SMYD2: variants seen among roughly 807,000 people sequenced by gnomAD.
The protein encoded by SMYD2 is SET and MYND domain containing 2, also known as N-lysine methyltransferase SMYD2.
Under a neutral mutation model 59.1 loss-of-function variants are expected in SMYD2, and 53 were observed. That is an observed-to-expected ratio of 0.90 (90% confidence interval 0.72 to 1.13). The LOEUF is 1.13. Ranked by LOEUF, SMYD2 falls within the 50% of genes most tolerant of loss-of-function variation. The pLI, the probability that SMYD2 is intolerant of heterozygous loss-of-function variation, is 0.00. For missense variants in SMYD2, 494 were observed against 544.7 expected, an observed-to-expected ratio of 0.91 and a Z score of 0.93; for synonymous variants, 208 against 198.8, an observed-to-expected ratio of 1.05 and a Z score of -0.39.
intron 7 of SMYD2, among the ~76,000 whole-genome samples, chr1:214,329,050 C>G (rs1657308454): frequency 6.6e-6 from 1 of 152,190 alleles, no homozygotes; most frequent in Non-Finnish European, 1.5e-5. Flanking sequence ...GTGAGTCAGT[C>G]ATTACAGAGA....
At position 214,299,003 on chromosome 1, in the gene SMYD2, T is replaced by A. The variant is rs574271124; in HGVS notation, c.174-6184T>A. The stretch of plus-strand genomic sequence containing the variant: ...CCCTCATCTCTACAAAATAGCAAAT[T>A]AGCCGGACATGGTAGTGTGTCCCTG... On this transcript the variant is annotated intron_variant, in intron 1 of 11. Coordinates refer to ENST00000366957, the MANE Select transcript of SMYD2 (RefSeq NM_020197.3). Among the ~76,000 whole-genome samples the A allele has an allele frequency of 8.5e-5, 13 of 152,116 alleles. No individual in the cohort carries two copies. The South Asian group carries it at 2.7e-3, about 32-fold the overall frequency.
At chr1:214,314,700 C>T (rs372241044) in intron 2 of SMYD2, 62 bp from the exon 3 acceptor site, 3 of 1,292,740 alleles carry the variant, frequency 2.3e-6, no homozygotes, top group East Asian at 4.6e-5. Flanking sequence ...GCATCCTCTC[C>T]TCTCACACTT....
chr1:214,325,585 T>G (rs535503002), intron 6 of SMYD2, among the ~76,000 whole-genome samples: 12 of 152,322 alleles, frequency 7.9e-5, no homozygotes, highest in Middle Eastern at 6.8e-3. Flanking sequence ...CTTAGCTATG[T>G]GCGTCTCTGC....
Position 214,281,306 on chromosome 1 carries a change from G to C in SMYD2, c.52G>C (p.Gly18Arg). 7.2e-7 allele frequency: 1 copy of C among 1,393,682 alleles called. No individual in the cohort carries two copies. The highest frequency in any genetic ancestry group is 2.9e-5 in the East Asian group (1 of 34,926). The allele number at this position is 1,393,682 out of a possible 1,614,324, so 86.3% of individuals were successfully genotyped here. A position where few individuals can be genotyped will look rare whatever the true frequency, so the allele number is the denominator to read the frequency against. Reference sequence around the variant, plus strand: ...GGAGCGCTTCTGCAGCCCGGGCAAAGGCCGGGGGCTGCGGGCTCTGCAGCC... The same window carrying C: ...GGAGCGCTTCTGCAGCCCGGGCAAACGCCGGGGGCTGCGGGCTCTGCAGCC... ...GLERFCSPGK[G>R]RGLRALQPFQ... Residue 18 changes from glycine (G) to arginine (R), a missense_variant, in exon 1 of 12, where the codon GGC becomes CGC. Physicochemically the swap from Gly to Arg is moderately radical, Grantham distance 125. Transcript: ENST00000366957.
At chr1:214,314,996 A>G (rs893017875) in intron 3 of SMYD2, 124 bp downstream of exon 3, 3 of 722,916 alleles carry the variant, frequency 4.1e-6, no homozygotes, top group South Asian at 3.5e-5. Flanking sequence ...ATTTCCTATC[A>G]TATCCATATG....
At chr1:214,328,660 T>C (rs1054773828) in intron 7 of SMYD2, among the ~76,000 whole-genome samples, 1 of 152,178 alleles carries the variant, frequency 6.6e-6, no homozygotes, top group African/African-American at 2.4e-5. Flanking sequence ...AAGTGTAAAA[T>C]ATAACTGTCA....
rs1215475876 is a variant in SMYD2, at chr1:214,327,656, G to C, written c.637G>C (p.Val213Leu). The change falls in exon 7 of 12, where the codon GTC becomes CTC. Residue 213 changes from valine to leucine, a missense_variant. Coordinates refer to ENST00000366957, the MANE Select transcript of SMYD2 (RefSeq NM_020197.3). ...ALMNHSCCPN[V>L]IVTYKGTLAE... ...GATGAATCATAGCTGTTGCCCCAAT[G>C]TCATTGTGACCTACAAAGGGACCCT... The C allele has an allele frequency of 6.2e-7, 1 of 1,614,220 alleles. No individual in the cohort carries two copies. The highest frequency in any genetic ancestry group is 2.2e-5 in the East Asian group (1 of 44,894).
chr1:214,282,503 A>G (rs1656467011), intron 1 of SMYD2, among the ~76,000 whole-genome samples: 1 of 152,108 alleles, frequency 6.6e-6, no homozygotes, highest in South Asian at 2.1e-4. Flanking sequence ...CAGTTTCTTC[A>G]TCTTTGAAAT....
intron 2 of SMYD2, among the ~76,000 whole-genome samples, chr1:214,309,516 C>T (rs765668179): frequency 6.6e-5 from 10 of 152,080 alleles, no homozygotes; most frequent in Non-Finnish European, 1.3e-4. Flanking sequence ...TGTTTTGCTG[C>T]TGAGGGGGTT....
At chr1:214,331,446 G>A (rs1038018150) in intron 9 of SMYD2, 3 of 206,578 alleles carry the variant, frequency 1.5e-5, no homozygotes, top group African/African-American at 6.8e-5. Flanking sequence ...TCATTCCCAT[G>A]CAGCAGATGA....
At chr1:214,281,497 C>G in intron 1 of SMYD2, 70 bp downstream of exon 1, 1 of 1,236,024 alleles carries the variant, frequency 8.1e-7, no homozygotes, top group Non-Finnish European at 1.0e-6. Context: ...GACGGCGGCG[C>G]CAGGAAGTGC....
At position 214,305,244 on chromosome 1, in the gene SMYD2, G is replaced by A. The variant is rs1377072540; in HGVS notation, c.231G>A (p.Glu77=). 3 of 1,614,206 alleles carry A rather than the reference G, an allele frequency of 1.9e-6. No individual in the cohort carries two copies. In the African/African-American group the frequency reaches 4.0e-5, roughly 22 times the overall value. ...AGCAGGCATTTTACTGCAATGTGGA[G>A]TGTCAGGTAGGTGCTGGGCCATTGG... ...RCKQAFYCNV[E]CQKEDWPMHK... is the part of the protein sequence containing the mutation. Residue 77 remains glutamate, a synonymous_variant, in exon 2 of 12, where the codon GAG becomes GAA. Transcript: ENST00000366957.
chr1:214,281,538 TTGGGGCGGGGTG>T (rs1350309067), intron 1 of SMYD2, 111 bp downstream of exon 1: 2 of 386,486 alleles, frequency 5.2e-6, no homozygotes, highest in African/African-American at 2.2e-5. Flanking sequence ...GCGCCGGCCC[TTGGGGCGGGGTG>T]GGGGGCGGGG....
chr1:214,281,473 G>A (rs762367739), intron 1 of SMYD2, 46 bp downstream of exon 1: 2 of 1,297,400 alleles, frequency 1.5e-6, no homozygotes, highest in Admixed American at 3.9e-5. Context: ...CGGGGGCGCC[G>A]AGCGGGAGGC....
chr1:214,332,685 A>G (rs986638308), intron 10 of SMYD2: 5 of 153,136 alleles, frequency 3.3e-5, no homozygotes, highest in African/African-American at 1.2e-4. Context: ...GTTTGGAAAA[A>G]AGAAACAAAA....
chr1:214,314,938 AG>A, intron 3 of SMYD2, 66 bp downstream of exon 3: 1 of 1,208,742 alleles, frequency 8.3e-7, no homozygotes, highest in Non-Finnish European at 1.2e-6. Context: ...CAGAAAGATG[AG>A]TAACTGACCT....
In SMYD2 at chr1:214,305,244, G is replaced by C; in HGVS notation, c.231G>C (p.Glu77Asp). 1 of 1,614,206 alleles carries C rather than the reference G, an allele frequency of 6.2e-7. No homozygotes were observed. Among genetic ancestry groups the C allele is most frequent in the Non-Finnish European group, 8.5e-7 (1 of 1,180,024 alleles). ...RCKQAFYCNV[E>D]CQKEDWPMHK... ...AGCAGGCATTTTACTGCAATGTGGA[G>C]TGTCAGGTAGGTGCTGGGCCATTGG... The change falls in exon 2 of 12, where the codon GAG becomes GAC. Residue 77 changes from glutamate to aspartate, a missense_variant. Coordinates refer to ENST00000366957, the MANE Select transcript of SMYD2 (RefSeq NM_020197.3).
At chr1:214,319,038 C>T (rs1657130108) in intron 5 of SMYD2, 55 bp downstream of exon 5, 6 of 1,591,096 alleles carry the variant, frequency 3.8e-6, no homozygotes, top group Non-Finnish European at 5.1e-6. Context: ...CTCCAAGGCC[C>T]TCTCCCTAGC....
intron 5 of SMYD2, among the ~76,000 whole-genome samples, chr1:214,322,411 C>T (rs1167079224): frequency 1.3e-5 from 2 of 152,144 alleles, no homozygotes; most frequent in Non-Finnish European, 2.9e-5. Flanking sequence ...AGAGTTGGCA[C>T]AAAAAATAAT....
Sources: allele counts gnomAD v4.1 joint callset (sites outside exome capture counted in the v4.1 genomes callset), GRCh38; gene constraint gnomAD v4.1.1; transcripts MANE v1.5; gene names NCBI Gene and HGNC (gene_info 2026-07-23, HGNC 2026-07-21).